The following CIAO3 variants were observed in gnomAD, a reference collection of about 807,000 sequenced individuals.
CIAO3 encodes LET1 like/JFP15.
CIAO3 carries 45 observed loss-of-function variants against 51.5 expected under a neutral mutation model. The ratio of observed to expected loss-of-function variants is 0.87; its 90% CI spans 0.69 to 1.12. The LOEUF is 1.12. Ranked by LOEUF, CIAO3 falls within the 50% of genes most tolerant of loss-of-function variation. The pLI, the probability that CIAO3 is intolerant of heterozygous loss-of-function variation, is 0.00. For missense variants in CIAO3, 668 were observed against 632.5 expected (o/e 1.06, Z -0.60); for synonymous variants, 314 against 269.3 (o/e 1.17, Z -1.63).
chr16:730,735 C>T lies in CIAO3; in HGVS notation c.1193-80G>A, dbSNP rs1567342709. ...TGACCACCAGGGAGCAGGGAGGTGA[C>T]CGGGCCCCCTCTGTGCCCCACTTCC... On this transcript the variant is annotated intron_variant, in intron 10 of 10. Transcript: ENST00000251588. 5 of 1,579,812 alleles carry T rather than the reference C, an allele frequency of 3.2e-6. No individual in the cohort carries two copies. The South Asian group carries it at 3.4e-5, about 11-fold the overall frequency.
chr16:736,909 C>T (rs1023302662), intron 3 of CIAO3: 3 of 449,638 alleles, frequency 6.7e-6, no homozygotes, highest in Non-Finnish European at 1.2e-5. Flanking sequence ...GGTGATCCAC[C>T]CGGCTCAGCC....
Position 730,290 on chromosome 16 carries a change from T to G in CIAO3, c.*127A>C. 1 of 966,180 alleles carries G rather than the reference T, an allele frequency of 1.0e-6. No homozygotes were observed. Among genetic ancestry groups the G allele is most frequent in the East Asian group, 2.5e-5 (1 of 40,550 alleles). The allele number at this position is 966,180 out of a possible 1,614,324, so 59.9% of individuals were successfully genotyped here. A position where few individuals can be genotyped will look rare whatever the true frequency, so the allele number is the denominator to read the frequency against. On this transcript the variant is annotated 3_prime_UTR_variant, in exon 11 of 11. Transcript: ENST00000251588. ...GCTGCGGGTCCTGGCTAGTCCTAGC[T>G]CCTACTCGGGTCCCAGCACACCCTG... is the stretch of plus-strand genomic sequence containing the variant.
intron 7 of CIAO3, 132 bp from the exon 8 acceptor site, chr16:732,505 C>T (rs777419855): frequency 1.4e-5 from 15 of 1,043,778 alleles, no homozygotes; most frequent in South Asian, 6.5e-5. Flanking sequence ...CACCCTAGCC[C>T]GTGGTGGGGA....
chr16:737,080 C>T lies in CIAO3; in HGVS notation c.306+106G>A, dbSNP rs1012901427. 5.4e-6 allele frequency: 8 copies of T among 1,482,586 alleles called. No homozygotes were observed. Among genetic ancestry groups the T allele is most frequent in the African/African-American group, 1.4e-5 (1 of 72,452 alleles). The allele number at this position is 1,482,586 out of a possible 1,614,324, so 91.8% of individuals were successfully genotyped here. ...GCCTCAAAAAGGCAGGCGCCACCCG[C>T]ACGACGGACGTCGGCACCACACGAG... On this transcript the variant is annotated intron_variant, in intron 3 of 10. Transcript: ENST00000251588. This position sits in a 1 kb window ranked among gnomAD's most constrained non-coding sequence, Gnocchi z 5.3.
Position 737,345 on chromosome 16 carries a change from A to C in CIAO3, c.163-16T>G. Reference sequence around the variant, plus strand: ...TCCCGCCGTCCTACAAGGGAGAAGAACCCGGTGCACAGGGGCCCCCTCTGC... The same window carrying C: ...TCCCGCCGTCCTACAAGGGAGAAGACCCCGGTGCACAGGGGCCCCCTCTGC... On this transcript the variant is annotated splice_polypyrimidine_tract_variant and intron_variant, in intron 2 of 10. Coordinates refer to ENST00000251588, the MANE Select transcript of CIAO3 (RefSeq NM_022493.3). The surrounding 1 kb of genome is among the most constrained non-coding windows in gnomAD (Gnocchi z 5.3). 2 of 1,612,328 alleles carry C rather than the reference A, an allele frequency of 1.2e-6. No individual in the cohort carries two copies. The highest frequency in any genetic ancestry group is 1.7e-6 in the Non-Finnish European group (2 of 1,179,752).
In CIAO3 at chr16:737,450, C is replaced by T. The variant is rs1425997841; in HGVS notation, c.163-121G>A. ...ATGGCTGCTGGCTGGGCTTGTGTGCCGCTGAATTTTTAAAAATTAGGTATG... is the reference window on the plus strand; with the variant it reads ...ATGGCTGCTGGCTGGGCTTGTGTGCTGCTGAATTTTTAAAAATTAGGTATG... On this transcript the variant is annotated intron_variant, in intron 2 of 10. Transcript: ENST00000251588. The surrounding 1 kb of genome is among the most constrained non-coding windows in gnomAD (Gnocchi z 5.3). The T allele has an allele frequency of 4.6e-5, 72 of 1,557,388 alleles. No homozygotes were observed. The highest frequency in any genetic ancestry group is 1.4e-4 in the East Asian group (6 of 43,068).
In CIAO3 at chr16:734,634, G is replaced by A. The variant is rs760100873; in HGVS notation, c.574+103C>T. 41 of 1,590,676 alleles carry A rather than the reference G, an allele frequency of 2.6e-5. No homozygotes were observed. The East Asian group carries it at 2.9e-4, about 11-fold the overall frequency. ...AACCCGTCCCGCAAAACCTGCTTGC[G>A]TCTCCACCCCCCATGCCCCCGCCTT... On this transcript the variant is annotated intron_variant, in intron 5 of 10. Transcript: ENST00000251588.
intron 3 of CIAO3, chr16:736,900 G>A: frequency 2.3e-6 from 1 of 431,322 alleles, no homozygotes; most frequent in Admixed American, 3.6e-5. Flanking sequence ...CTGACCTCAG[G>A]TGATCCACCC....
In CIAO3 at chr16:730,948, G is replaced by A. The variant is rs773899156; in HGVS notation, c.1087C>T (p.His363Tyr). 2.5e-6 allele frequency: 4 copies of A among 1,613,000 alleles called. No individual in the cohort carries two copies. In the South Asian group the frequency reaches 3.3e-5, roughly 13 times the overall value. Residue 363 changes from histidine to tyrosine, a missense_variant, in exon 10 of 11, where the codon CAC (histidine) becomes TAC (tyrosine). Physicochemically the swap from His to Tyr is moderately conservative, Grantham distance 83. Transcript: ENST00000251588. ...TLEKEGQVLL[H>Y]FAMAYGFRNI... ...CGGAAGCCGTACGCCATTGCGAAGT[G>A]CAGCAGCACCTGGCCCTCCTTCTCC...
chr16:739,891 C>T (rs1331642278), intron 1 of CIAO3, 153 bp from the exon 2 acceptor site: 2 of 1,205,888 alleles, frequency 1.7e-6, no homozygotes, highest in Admixed American at 2.0e-5. Flanking sequence ...CCGTCTTCTT[C>T]CTGCCCCACT....
At position 737,134 on chromosome 16, in the gene CIAO3, G is replaced by A; in HGVS notation, c.306+52C>T. ...CCCTTGGCAAAACGCGTTGTCGGCT[G>A]CTGGGATGGATTTCAGGTTAAAGCA... On this transcript the variant is annotated intron_variant, in intron 3 of 10. Coordinates refer to ENST00000251588, the MANE Select transcript of CIAO3 (RefSeq NM_022493.3). This position sits in a 1 kb window ranked among gnomAD's most constrained non-coding sequence, Gnocchi z 5.3. 3.1e-6 allele frequency: 5 copies of A among 1,604,770 alleles called. No individual in the cohort carries two copies. The highest frequency in any genetic ancestry group is 1.1e-5 in the South Asian group (1 of 90,970).
Position 737,957 on chromosome 16 carries a change from A to G in CIAO3, c.163-628T>C, listed in dbSNP as rs538038951. On this transcript the variant is annotated intron_variant, in intron 2 of 10. Coordinates refer to ENST00000251588, the MANE Select transcript of CIAO3 (RefSeq NM_022493.3). This position sits in a 1 kb window ranked among gnomAD's most constrained non-coding sequence, Gnocchi z 5.3. ...CTGCAAAGGCAGGAATGGTTTGAGC[A>G]GGGCCAGGGGTGCTGCAGTGGCCCG... 8.5e-7 allele frequency: 1 copy of G among 1,179,524 alleles called. No individual in the cohort carries two copies. Among genetic ancestry groups the G allele is most frequent in the East Asian group, 6.1e-5 (1 of 16,462 alleles). 73.1% of individuals were successfully genotyped at this position (1,179,524 alleles called of 1,614,324 possible).
At position 738,094 on chromosome 16, in the gene CIAO3, C is replaced by A. The variant is rs1238001322; in HGVS notation, c.163-765G>T. 4 of 1,031,034 alleles carry A rather than the reference C, an allele frequency of 3.9e-6. 1 individual carries two copies. In the South Asian group the frequency reaches 1.4e-4, roughly 35 times the overall value. The allele number at this position is 1,031,034 out of a possible 1,614,324, so 63.9% of individuals were successfully genotyped here. A position where few individuals can be genotyped will look rare whatever the true frequency, so the allele number is the denominator to read the frequency against. On this transcript the variant is annotated intron_variant, in intron 2 of 10. Transcript: ENST00000251588. ...AATCTGAGCTCGCCTTGTATTCCTA[C>A]GTTGGTTCTGCCCCAAGGCACAAAG...
chr16:732,927 T>C (rs2041300413), intron 7 of CIAO3: 4 of 318,668 alleles, frequency 1.3e-5, no homozygotes, highest in South Asian at 1.2e-4. Flanking sequence ...TGAGCCACCA[T>C]GCCCGGCCAC....
At chr16:736,853 G>A (rs552614701) in intron 3 of CIAO3, 29 of 346,854 alleles carry the variant, frequency 8.4e-5, no homozygotes, top group East Asian at 1.3e-4. Context: ...TAGTAGAGAC[G>A]GGGTTTCACC....
At chr16:734,647 A>G (rs1172887914) in intron 5 of CIAO3, 90 bp downstream of exon 5, 20 of 1,605,440 alleles carry the variant, frequency 1.2e-5, no homozygotes, top group East Asian at 4.5e-5. Flanking sequence ...TCCACCCCCC[A>G]TGCCCCCGCC....
In CIAO3 at chr16:730,846, A is replaced by G; in HGVS notation, c.1189T>C (p.Ser397Pro). The change falls in exon 10 of 11, where the codon TCA (serine) becomes CCA (proline). Residue 397 changes from serine to proline, a missense_variant. Ser to Pro is a moderately conservative substitution (Grantham distance 74). Transcript: ENST00000251588. Reference protein sequence around the residue: ...YHYVEVMACPSGCLNGGGQLQ... With the variant: ...YHYVEVMACPPGCLNGGGQLQ... ...TCCTGTCCCTTGCAGGAGCTACCTG[A>G]GGGGCAGGCCATGACCTCCACGTAG... is the stretch of plus-strand genomic sequence containing the variant. The G allele has an allele frequency of 6.2e-7, 1 of 1,612,590 alleles. No homozygotes were observed. Among genetic ancestry groups the G allele is most frequent in the Non-Finnish European group, 8.5e-7 (1 of 1,179,930 alleles).
At chr16:736,460 G>A (rs1198330849) in intron 3 of CIAO3, 62 bp from the exon 4 acceptor site, 1 of 1,601,066 alleles carries the variant, frequency 6.2e-7, no homozygotes, top group Non-Finnish European at 8.5e-7. Flanking sequence ...CTGGTGGCCA[G>A]AGCCGCACGG....
In CIAO3 at chr16:737,890, T is replaced by G; in HGVS notation, c.163-561A>C. On this transcript the variant is annotated intron_variant, in intron 2 of 10. Transcript: ENST00000251588. The surrounding 1 kb of genome is among the most constrained non-coding windows in gnomAD (Gnocchi z 5.3). ...CCGGGACATGCCTCAGCAACTTTTC[T>G]TACATGCAAAACGCACCCAGCTCGA... 1 of 1,180,612 alleles carries G rather than the reference T, an allele frequency of 8.5e-7. No homozygotes were observed. Among genetic ancestry groups the G allele is most frequent in the Non-Finnish European group, 1.1e-6 (1 of 937,520 alleles). The allele number at this position is 1,180,612 out of a possible 1,614,324, so 73.1% of individuals were successfully genotyped here.
Sources: gnomAD v4.1 joint callset for allele counts on GRCh38, gnomAD v4.1.1 for gene constraint, Gnocchi (gnomAD v3.1) non-coding constraint, MANE v1.5 for transcripts, NCBI Gene and HGNC (gene_info 2026-07-23, HGNC 2026-07-21) for gene names.